Variants in TRPM3 observed in about 807,000 individuals in gnomAD.
TRPM3 encodes the protein transient receptor potential cation channel subfamily M member 3.
A neutral mutation model predicts 181.2 loss-of-function variants in TRPM3; 77 were observed. The ratio of observed to expected loss-of-function variants is 0.42; its 90% confidence interval spans 0.35 to 0.51. The LOEUF is 0.51. Among genes scored for constraint, TRPM3 ranks in the 20% least tolerant of loss-of-function variants. The probability of loss-of-function intolerance (pLI) is 0.01; values close to 1 mark genes in which losing one functional copy is unlikely to be tolerated. For synonymous variants in TRPM3, 745 were observed against 796.4 expected (o/e 0.94, Z 1.09); for missense variants, 1,759 against 2,196.7 (o/e 0.80, Z 3.98).
chr9:70,955,022 A>G (rs964173033), intron 1 of TRPM3, among the ~76,000 whole-genome samples: 1 of 152,138 alleles, frequency 6.6e-6, no homozygotes, highest in Non-Finnish European at 1.5e-5. Context: ...GGCAATTAAG[A>G]TAATCAGCTA....
intron 1 of TRPM3, among the ~76,000 whole-genome samples, chr9:71,074,622 A>G (rs2063205974): frequency 6.6e-6 from 1 of 152,194 alleles, no homozygotes; most frequent in African/African-American, 2.4e-5. Flanking sequence ...TAAAATAATG[A>G]TGATAGAAGT....
intron 1 of TRPM3, among the ~76,000 whole-genome samples, chr9:70,922,638 C>T (rs777450314): frequency 6.6e-6 from 1 of 152,112 alleles, no homozygotes; most frequent in Non-Finnish European, 1.5e-5. Flanking sequence ...TCATTTCTTT[C>T]AGAACTTATT....
intron 1 of TRPM3, among the ~76,000 whole-genome samples, chr9:71,352,992 T>A (rs1395289554): frequency 6.6e-6 from 1 of 152,050 alleles, no homozygotes; most frequent in East Asian, 1.9e-4. Context: ...AATATAAATA[T>A]CCAGGTCCCA....
intron 1 of TRPM3, among the ~76,000 whole-genome samples, chr9:71,115,094 A>G (rs1018337934): frequency 3.9e-5 from 6 of 152,188 alleles, no homozygotes; most frequent in Non-Finnish European, 8.8e-5. Context: ...AAATCTGAGA[A>G]CTGTTTACTT....
intron 1 of TRPM3, among the ~76,000 whole-genome samples, chr9:71,239,546 A>G (rs186748209): frequency 6.6e-6 from 1 of 152,248 alleles, no homozygotes; most frequent in African/African-American, 2.4e-5. Context: ...CACTAAAAGT[A>G]TTAGCAGACA....
rs1460162539 is a variant in TRPM3 at position 70,530,236 on chromosome 9, G to A, written c.*5717C>T. The A allele has an allele frequency of 6.6e-6, 1 of 152,240 alleles. No homozygotes were observed. The highest frequency in any genetic ancestry group is 1.5e-5 in the Non-Finnish European group (1 of 68,078). The allele number at this position is 152,240 out of a possible 1,614,324, so 9.4% of individuals were successfully genotyped here. The stretch of plus-strand genomic sequence containing the variant: ...AGGGTCAACAAGGTATAAAGGTAAT[G>A]TGGGCAAGGGTCTGTTGGTCTGGTG... On this transcript the variant is annotated 3_prime_UTR_variant, in exon 26 of 26. Coordinates refer to ENST00000677713, the MANE Select transcript of TRPM3 (RefSeq NM_001366145.2).
intron 1 of TRPM3, among the ~76,000 whole-genome samples, chr9:71,237,498 T>C (rs1335006787): frequency 6.6e-6 from 1 of 152,214 alleles, no homozygotes; most frequent in African/African-American, 2.4e-5. Flanking sequence ...CCACATTTTC[T>C]ACTTATCATT....
At chr9:70,805,742 T>G (rs146472053) in intron 6 of TRPM3, among the ~76,000 whole-genome samples, 52 of 152,306 alleles carry the variant, frequency 3.4e-4, no homozygotes, top group African/African-American at 1.1e-3. Context: ...AAACAAATCC[T>G]GCTTTACATG....
At chr9:71,083,712 G>GTACA in intron 1 of TRPM3, among the ~76,000 whole-genome samples, 1 of 82,700 alleles carries the variant, frequency 1.2e-5, no homozygotes, top group Admixed American at 1.5e-4. Context: ...GTATTATTAT[G>GTACA]TACACACACA....
intron 12 of TRPM3, among the ~76,000 whole-genome samples, chr9:70,634,690 GA>G (rs2133455143): frequency 6.6e-6 from 1 of 152,204 alleles, no homozygotes; most frequent in South Asian, 2.1e-4. Context: ...CCCATCTAAT[GA>G]GATGAAAAGT....
At chr9:71,353,897 C>T (rs2091778831) in intron 1 of TRPM3, among the ~76,000 whole-genome samples, 1 of 152,182 alleles carries the variant, frequency 6.6e-6, no homozygotes, top group Non-Finnish European at 1.5e-5. Context: ...CATCTGGTTT[C>T]ATCTGAAAGA....
intron 10 of TRPM3, 85 bp from the exon 11 acceptor site, chr9:70,639,279 T>C: frequency 1.4e-6 from 2 of 1,454,854 alleles, no homozygotes; most frequent in Non-Finnish European, 1.9e-6. Flanking sequence ...AGCTTAGAAA[T>C]GGATGCCTTT....
chr9:71,364,387 C>T (rs1337447326), intron 1 of TRPM3, among the ~76,000 whole-genome samples: 2 of 152,226 alleles, frequency 1.3e-5, no homozygotes, highest in Non-Finnish European at 2.9e-5. Flanking sequence ...AAATGGGATA[C>T]TCTTCTGGAC....
intron 1 of TRPM3, among the ~76,000 whole-genome samples, chr9:71,333,136 G>T (rs77802349): frequency 0.026 from 3,966 of 151,940 alleles, 195 homozygotes; most frequent in African/African-American, 0.089. Flanking sequence ...ACACTCAACA[G>T]AGATCACAAA....
At chr9:71,051,803 G>C (rs138406567) in intron 1 of TRPM3, among the ~76,000 whole-genome samples, 3 of 152,022 alleles carry the variant, frequency 2.0e-5, no homozygotes, top group Non-Finnish European at 4.4e-5. Context: ...AGTCTGGCAT[G>C]CCTTATCTAG....
chr9:70,846,855 C>T (rs902962880), intron 3 of TRPM3, among the ~76,000 whole-genome samples: 1 of 152,068 alleles, frequency 6.6e-6, no homozygotes, highest in Admixed American at 6.5e-5. Context: ...TGACTTTTCC[C>T]AGACCGAGTT....
At chr9:70,671,026 G>T (rs1254449318) in intron 9 of TRPM3, among the ~76,000 whole-genome samples, 2 of 152,108 alleles carry the variant, frequency 1.3e-5, no homozygotes, top group African/African-American at 4.8e-5. Flanking sequence ...CCGACTCTAT[G>T]CCAGGCACTG....
chr9:71,346,259 T>G (rs1384890360), intron 1 of TRPM3, among the ~76,000 whole-genome samples: 1 of 152,212 alleles, frequency 6.6e-6, no homozygotes, highest in Non-Finnish European at 1.5e-5. Flanking sequence ...ACTGTACACT[T>G]AAAATCTACA....
chr9:71,075,352 G>A lies in TRPM3; in HGVS notation c.177+45826C>T, dbSNP rs138728204. On this transcript the variant is annotated intron_variant, in intron 1 of 25. Coordinates refer to ENST00000677713, the MANE Select transcript of TRPM3 (RefSeq NM_001366145.2). ...CATTTCCAATTTAACTCTGAAATTTGTTTGCATTGCATTTTGTTCTGTGTT... is the reference window on the plus strand; with the variant it reads ...CATTTCCAATTTAACTCTGAAATTTATTTGCATTGCATTTTGTTCTGTGTT... 5.1e-3 allele frequency among the ~76,000 whole-genome samples: 781 copies of A among 152,254 alleles called. 18 individuals carry two copies. In the East Asian group the frequency reaches 0.078, roughly 15 times the overall value.
Sources: gnomAD v4.1 joint callset for allele counts (sites outside exome capture counted in the v4.1 genomes callset) on GRCh38, gnomAD v4.1.1 for gene constraint, MANE v1.5 for transcripts, NCBI Gene and HGNC (gene_info 2026-07-23, HGNC 2026-07-21) for gene names.